The following AGBL1 variants were observed in gnomAD, a reference collection of about 807,000 sequenced individuals.
The protein encoded by AGBL1 is cytosolic carboxypeptidase 4.
AGBL1 carries 130 observed loss-of-function variants against 118.9 expected under a neutral mutation model. That is an observed-to-expected ratio of 1.09 (90% CI 0.95 to 1.26). The LOEUF (loss-of-function observed/expected upper bound fraction) is 1.26, where lower values mean the gene tolerates loss of function less well. AGBL1 is among the 50% of genes most tolerant of loss of function. AGBL1 has a pLI of 0.00. For missense variants in AGBL1, 1,584 were observed against 1,298.1 expected (o/e 1.22, Z -3.38); for synonymous variants, 555 against 478.9 (o/e 1.16, Z -2.08).
chr15:86,783,909 G>T (rs1359652564), intron 22 of AGBL1, among the ~76,000 whole-genome samples: 1 of 152,198 alleles, frequency 6.6e-6, no homozygotes, highest in African/African-American at 2.4e-5. Context: ...GGGATTACAG[G>T]CGTGAGCCAC....
chr15:86,236,952 C>CGGGGGGGGGGGGGGGGG (rs1398987301), intron 6 of AGBL1, among the ~76,000 whole-genome samples: 4 of 10,310 alleles, frequency 3.9e-4, no homozygotes, highest in Non-Finnish European at 3.6e-4. Flanking sequence ...CGGGGGGGGG[C>CGGGGGGGGGGGGGGGGG]GGGGGGGCGC....
At chr15:86,168,930 T>A (rs1277336016) in intron 5 of AGBL1, among the ~76,000 whole-genome samples, 2 of 152,250 alleles carry the variant, frequency 1.3e-5, no homozygotes, top group Non-Finnish European at 2.9e-5. Context: ...ATTCCCATTC[T>A]TCTGTTGTCT....
intron 22 of AGBL1, among the ~76,000 whole-genome samples, chr15:86,807,717 G>A (rs1405407849): frequency 6.6e-6 from 1 of 152,016 alleles, no homozygotes; most frequent in African/African-American, 2.4e-5. Context: ...TTTTGTACTT[G>A]GAAGTGAATC....
At chr15:86,475,641 A>C (rs1731985962) in intron 18 of AGBL1, among the ~76,000 whole-genome samples, 1 of 152,228 alleles carries the variant, frequency 6.6e-6, no homozygotes, top group African/African-American at 2.4e-5. Flanking sequence ...CCAAGTTGGA[A>C]AACACTCGGC....
chr15:86,262,764 C>T lies in AGBL1; in HGVS notation c.970-14C>T. Reference sequence around the variant, plus strand: ...TTCCTGACTGTAATCTCTTCTATGACTATTCCATTTTAGGATGATGACTTG... The same window carrying T: ...TTCCTGACTGTAATCTCTTCTATGATTATTCCATTTTAGGATGATGACTTG... On this transcript the variant is annotated splice_polypyrimidine_tract_variant and intron_variant, in intron 9 of 22. Coordinates refer to ENST00000614907, the MANE Select transcript of AGBL1 (RefSeq NM_001386094.1). 1 of 1,544,146 alleles carries T rather than the reference C, an allele frequency of 6.5e-7. No homozygotes were observed. Among genetic ancestry groups the T allele is most frequent in the Non-Finnish European group, 8.9e-7 (1 of 1,124,280 alleles).
intron 5 of AGBL1, among the ~76,000 whole-genome samples, chr15:86,200,680 G>A (rs1371187821): frequency 6.0e-5 from 9 of 150,678 alleles, no homozygotes; most frequent in African/African-American, 9.8e-5. Flanking sequence ...GCAATGGCGC[G>A]ATCTCGGCTC....
chr15:86,558,993 G>A (rs2083776053), intron 21 of AGBL1, among the ~76,000 whole-genome samples: 1 of 152,134 alleles, frequency 6.6e-6, no homozygotes, highest in Admixed American at 6.5e-5. Context: ...CTCTCTAAAG[G>A]CAACTGTTTC....
chr15:86,283,292 A>G (rs532984959), intron 16 of AGBL1, among the ~76,000 whole-genome samples: 1 of 152,278 alleles, frequency 6.6e-6, no homozygotes, highest in South Asian at 2.1e-4. Flanking sequence ...TTTAGGAGGT[A>G]AAAAATTGGG....
chr15:86,263,329 G>A (rs1212092134), intron 10 of AGBL1, among the ~76,000 whole-genome samples: 2 of 152,168 alleles, frequency 1.3e-5, no homozygotes, highest in African/African-American at 4.8e-5. Flanking sequence ...GGAGCAACAG[G>A]CCACACCATA....
At chr15:86,831,401 C>T (rs1056552748) in intron 22 of AGBL1, among the ~76,000 whole-genome samples, 2 of 152,332 alleles carry the variant, frequency 1.3e-5, no homozygotes, top group Non-Finnish European at 2.9e-5. Flanking sequence ...CAAGTCCCTT[C>T]TGCCTATGAA....
At chr15:86,992,081 G>A (rs2081341164) in intron 24 of AGBL1, among the ~76,000 whole-genome samples, 1 of 152,074 alleles carries the variant, frequency 6.6e-6, no homozygotes, top group African/African-American at 2.4e-5. Flanking sequence ...CTTGGCTTCT[G>A]GTGAGAGGCC....
At chr15:86,562,243 A>G (rs1039920519) in intron 21 of AGBL1, among the ~76,000 whole-genome samples, 9 of 152,222 alleles carry the variant, frequency 5.9e-5, no homozygotes, top group Non-Finnish European at 8.8e-5. Flanking sequence ...GAATGCTTCC[A>G]GTTTTCACCC....
chr15:86,884,066 T>TA (rs1193553712), intron 22 of AGBL1, among the ~76,000 whole-genome samples: 17 of 152,226 alleles, frequency 1.1e-4, no homozygotes, highest in Admixed American at 1.1e-3. Flanking sequence ...AACTTCAGCA[T>TA]ATCTTTTCTT....
intron 21 of AGBL1, among the ~76,000 whole-genome samples, chr15:86,572,006 G>A (rs1047906326): frequency 6.6e-6 from 1 of 152,190 alleles, no homozygotes; most frequent in Admixed American, 6.5e-5. Flanking sequence ...GGTGCACAAA[G>A]TCCTGAGGGG....
chr15:86,291,829 A>G (rs1214082894), intron 16 of AGBL1, among the ~76,000 whole-genome samples: 2 of 152,180 alleles, frequency 1.3e-5, no homozygotes, highest in Admixed American at 1.3e-4. Context: ...CCAATCTCCA[A>G]TGCAGGTGCA....
At chr15:86,532,215 C>T (rs1021577614) in intron 19 of AGBL1, among the ~76,000 whole-genome samples, 47 of 149,742 alleles carry the variant, frequency 3.1e-4, no homozygotes, top group Middle Eastern at 3.5e-3. Context: ...AAAACCCCAT[C>T]ATCTCAGCCC....
intron 18 of AGBL1, among the ~76,000 whole-genome samples, chr15:86,501,977 A>G (rs926630993): frequency 2.0e-5 from 3 of 151,620 alleles, no homozygotes; most frequent in Non-Finnish European, 4.4e-5. Context: ...TGAAAATAAA[A>G]AAACCCAGAT....
At chr15:86,357,927 G>A (rs1464824684) in intron 17 of AGBL1, among the ~76,000 whole-genome samples, 1 of 152,024 alleles carries the variant, frequency 6.6e-6, no homozygotes, top group East Asian at 1.9e-4. Context: ...TATTTAAGAG[G>A]TATGCAACAT....
At chr15:86,860,844 C>T (rs1442053492) in intron 22 of AGBL1, among the ~76,000 whole-genome samples, 1 of 151,990 alleles carries the variant, frequency 6.6e-6, no homozygotes, top group East Asian at 1.9e-4. Context: ...TCTGCTTGCA[C>T]CTATCATGGG....
Sources: allele counts gnomAD v4.1 joint callset (sites outside exome capture counted in the v4.1 genomes callset), GRCh38; gene constraint gnomAD v4.1.1; transcripts MANE v1.5; gene names NCBI Gene and HGNC (gene_info 2026-07-23, HGNC 2026-07-21).